The following PCDH9 variants were observed in gnomAD, a reference collection of about 807,000 sequenced individuals.
PCDH9 encodes protocadherin 9.
PCDH9 carries 24 observed loss-of-function variants against 70.6 expected under a neutral mutation model. The observed-to-expected ratio is 0.34, with a 90% CI of 0.25 to 0.48. The LOEUF is 0.48. PCDH9 is among the 20% of genes least tolerant of loss of function. The pLI is 0.99. For missense variants in PCDH9, 1,281 were observed against 1,503.6 expected, an observed-to-expected ratio of 0.85 and a Z score of 2.45; for synonymous variants, 562 against 558.5, an observed-to-expected ratio of 1.01 and a Z score of -0.09.
At chr13:67,122,806 A>G (rs1328726400) in intron 2 of PCDH9, among the ~76,000 whole-genome samples, 1 of 112,756 alleles carries the variant, frequency 8.9e-6, no homozygotes, top group East Asian at 3.0e-4. Flanking sequence ...TAATAATAAT[A>G]ATAATCCTTT....
At chr13:66,797,613 CAT>C (rs770257428) in intron 3 of PCDH9, among the ~76,000 whole-genome samples, 11 of 152,286 alleles carry the variant, frequency 7.2e-5, no homozygotes, top group South Asian at 4.1e-4. Context: ...GAATAAAACA[CAT>C]GTGATACTTT....
chr13:66,613,725 C>G (rs1482678761), intron 4 of PCDH9, among the ~76,000 whole-genome samples: 1 of 152,016 alleles, frequency 6.6e-6, no homozygotes, highest in East Asian at 1.9e-4. Context: ...TTCTGCCTGT[C>G]TGTGTGTGTA....
chr13:66,967,667 T>G (rs1221016503), intron 2 of PCDH9, among the ~76,000 whole-genome samples: 1 of 152,150 alleles, frequency 6.6e-6, no homozygotes, highest in African/African-American at 2.4e-5. Context: ...AAATTTTTTC[T>G]TAACAAATGC....
At chr13:67,105,422 T>C (rs1206988470) in intron 2 of PCDH9, among the ~76,000 whole-genome samples, 2 of 152,098 alleles carry the variant, frequency 1.3e-5, no homozygotes, top group African/African-American at 4.8e-5. Flanking sequence ...AATCACACTC[T>C]AGATTACTGG....
At chr13:67,147,694 C>T (rs987089321) in intron 2 of PCDH9, among the ~76,000 whole-genome samples, 1 of 152,188 alleles carries the variant, frequency 6.6e-6, no homozygotes, top group Non-Finnish European at 1.5e-5. Context: ...TAATTACTAC[C>T]TTTTCCATAG....
At chr13:66,642,111 T>G (rs575922928) in intron 3 of PCDH9, among the ~76,000 whole-genome samples, 1 of 152,238 alleles carries the variant, frequency 6.6e-6, no homozygotes, top group African/African-American at 2.4e-5. Context: ...ATCTATATAT[T>G]CATGTAACAA....
At position 67,159,924 on chromosome 13, in the gene PCDH9, T is replaced by TG. The variant is rs5804312; in HGVS notation, c.3036+65480dup. Among the ~76,000 whole-genome samples the TG allele has an allele frequency of 4.1e-3, 627 of 152,260 alleles. 5 individuals are homozygous for TG. Among genetic ancestry groups the TG allele is most frequent in the Middle Eastern group, 0.014 (4 of 294 alleles). ...TTCTTTTTTCTTTCTATTATTTTTT[T>TG]GCATAGTCGCTGAGATTTTAAGGGC... On this transcript the variant is annotated intron_variant, in intron 2 of 4. Transcript: ENST00000377865.
At chr13:66,425,260 G>A (rs1957649304) in intron 4 of PCDH9, among the ~76,000 whole-genome samples, 1 of 151,510 alleles carries the variant, frequency 6.6e-6, no homozygotes, top group Non-Finnish European at 1.5e-5. Flanking sequence ...AGACTGCAAA[G>A]CTTTGACAAC....
chr13:66,645,827 A>G (rs530869272), intron 3 of PCDH9, among the ~76,000 whole-genome samples: 2 of 152,262 alleles, frequency 1.3e-5, no homozygotes, highest in African/African-American at 4.8e-5. Context: ...ATAGAATAGA[A>G]CCAGTAATTA....
chr13:66,877,972 A>C (rs1268702263), intron 3 of PCDH9, among the ~76,000 whole-genome samples: 1 of 152,124 alleles, frequency 6.6e-6, no homozygotes, highest in Admixed American at 6.5e-5. Flanking sequence ...GAGAAGACAA[A>C]ACTTTTCATC....
chr13:67,112,649 C>CCCTCCCTCCCTTCCTCCCTCCCTT (rs559376502), intron 2 of PCDH9, among the ~76,000 whole-genome samples: 3 of 150,624 alleles, frequency 2.0e-5, no homozygotes, highest in African/African-American at 7.4e-5. Context: ...CTTTCTCTCT[C>CCCTCCCTCCCTTCCTCCCTCCCTT]CCTCCCTCCC....
rs912929600 is a variant in PCDH9, at chr13:66,827,026, T to C, written c.3138+76478A>G. Among the ~76,000 whole-genome samples, 5 of 152,156 alleles carry C rather than the reference T, an allele frequency of 3.3e-5. No individual in the cohort carries two copies. In the South Asian group the frequency reaches 1.0e-3, roughly 32 times the overall value. On this transcript the variant is annotated intron_variant, in intron 3 of 4. Coordinates refer to ENST00000377865, the MANE Select transcript of PCDH9 (RefSeq NM_203487.3). Reference sequence around the variant, plus strand: ...AGGGAATTATTCTGGATTGTAAGGGTGGAATATACTTGTAGTCATATGTAT... The same window carrying C: ...AGGGAATTATTCTGGATTGTAAGGGCGGAATATACTTGTAGTCATATGTAT...
At chr13:66,328,657 T>C (rs1955888246) in intron 4 of PCDH9, among the ~76,000 whole-genome samples, 1 of 151,960 alleles carries the variant, frequency 6.6e-6, no homozygotes, top group South Asian at 2.1e-4. Flanking sequence ...CCATGTTAAC[T>C]GAGAATGGTT....
intron 3 of PCDH9, among the ~76,000 whole-genome samples, chr13:66,787,530 T>G (rs1451631055): frequency 6.6e-6 from 1 of 151,710 alleles, no homozygotes; most frequent in Admixed American, 6.6e-5. Context: ...GCAGGAGAAT[T>G]GCTTAAACCC....
intron 2 of PCDH9, among the ~76,000 whole-genome samples, chr13:67,064,891 A>G (rs578042576): frequency 1.5e-3 from 217 of 148,968 alleles, no homozygotes; most frequent in African/African-American, 5.0e-3. Flanking sequence ...CCTGTGTGGA[A>G]ATAGATAGAT....
intron 2 of PCDH9, among the ~76,000 whole-genome samples, chr13:67,157,238 A>G (rs1319791652): frequency 1.3e-5 from 2 of 152,164 alleles, no homozygotes; most frequent in East Asian, 3.8e-4. Context: ...TCCTTGCCTC[A>G]ACGGTTTGCA....
At chr13:66,661,796 G>C (rs2078012652) in intron 3 of PCDH9, among the ~76,000 whole-genome samples, 1 of 152,164 alleles carries the variant, frequency 6.6e-6, no homozygotes, top group Non-Finnish European at 1.5e-5. Context: ...AGGGGGAAGG[G>C]TGAACTTTAA....
At chr13:66,686,808 A>G (rs867914551) in intron 3 of PCDH9, among the ~76,000 whole-genome samples, 86 of 152,302 alleles carry the variant, frequency 5.6e-4, no homozygotes, top group African/African-American at 2.0e-3. Flanking sequence ...CAAAGGCAAC[A>G]TTCTGGGCAG....
intron 4 of PCDH9, among the ~76,000 whole-genome samples, chr13:66,388,790 G>A (rs1351681449): frequency 1.3e-5 from 2 of 151,952 alleles, no homozygotes. Flanking sequence ...ATGTGGTCAG[G>A]CAAGTCTCTT....
Sources: allele counts gnomAD v4.1 joint callset (sites outside exome capture counted in the v4.1 genomes callset), GRCh38; gene constraint gnomAD v4.1.1; transcripts MANE v1.5; gene names NCBI Gene and HGNC (gene_info 2026-07-23, HGNC 2026-07-21).